The following LAMB1 variants were observed in gnomAD, a reference collection of about 807,000 sequenced individuals.
The protein encoded by LAMB1 is laminin subunit beta-1.
LAMB1 carries 121 observed loss-of-function variants against 222.3 expected under a neutral mutation model. The observed-to-expected ratio is 0.54, with a 90% CI of 0.47 to 0.63. LAMB1 has a LOEUF of 0.63. Ranked by LOEUF, LAMB1 falls within the 30% of genes least tolerant of loss-of-function variation. The pLI is 0.00. For synonymous variants in LAMB1, 794 were observed against 807.2 expected, an observed-to-expected ratio of 0.98 and a Z score of 0.28; for missense variants, 2,172 against 2,240.8, an observed-to-expected ratio of 0.97 and a Z score of 0.62.
intron 13 of LAMB1, among the ~76,000 whole-genome samples, chr7:107,969,802 C>T (rs910571100): frequency 2.0e-5 from 3 of 152,110 alleles, no homozygotes; most frequent in African/African-American, 7.2e-5. Context: ...GTGTATTCAA[C>T]CATATCAAAA....
chr7:107,952,894 G>A (rs564180763), intron 22 of LAMB1, among the ~76,000 whole-genome samples: 3 of 152,252 alleles, frequency 2.0e-5, no homozygotes, highest in East Asian at 1.9e-4. Context: ...TTAGGATTTC[G>A]AAGTCCATCC....
At chr7:107,985,922 A>T in intron 7 of LAMB1, 100 bp downstream of exon 7, 1 of 886,368 alleles carries the variant, frequency 1.1e-6, no homozygotes, top group Admixed American at 2.1e-5. Context: ...GCACCATTGC[A>T]CTCCAGCCTG....
chr7:107,996,362 AT>A (rs1277674462), intron 4 of LAMB1, among the ~76,000 whole-genome samples: 1 of 152,124 alleles, frequency 6.6e-6, no homozygotes, highest in Non-Finnish European at 1.5e-5. Flanking sequence ...AGTGTATTTG[AT>A]TTCTGTCAGA....
At chr7:107,935,366 TTTTTTTTGCTTG>T in intron 27 of LAMB1, 37 bp downstream of exon 27, 1 of 1,096,704 alleles carries the variant, frequency 9.1e-7, no homozygotes, top group Non-Finnish European at 1.2e-6. Flanking sequence ...TTTTTTTTTT[TTTTTTTTGCTTG>T]GCACCATAGC....
intron 29 of LAMB1, among the ~76,000 whole-genome samples, chr7:107,930,951 A>C (rs778150953): frequency 1.4e-4 from 21 of 152,172 alleles, no homozygotes; most frequent in Non-Finnish European, 2.2e-4. Flanking sequence ...TAACACTTGA[A>C]CTGTGACTAG....
intron 7 of LAMB1, 142 bp downstream of exon 7, chr7:107,985,880 C>T (rs2034065419): frequency 6.5e-6 from 4 of 612,036 alleles, no homozygotes; most frequent in South Asian, 5.9e-5. Context: ...TCACTTGAAC[C>T]CGGGAGGCGG....
chr7:107,985,459 T>C (rs975378025), intron 7 of LAMB1, among the ~76,000 whole-genome samples: 1 of 151,398 alleles, frequency 6.6e-6, no homozygotes, highest in Non-Finnish European at 1.5e-5. Context: ...AACCCGTCTC[T>C]ACTAAAAATA....
chr7:107,939,354 G>A (rs1425584759), intron 25 of LAMB1, among the ~76,000 whole-genome samples: 4 of 152,058 alleles, frequency 2.6e-5, no homozygotes, highest in African/African-American at 9.7e-5. Flanking sequence ...GAGAAGGGGT[G>A]GGATGAGGAC....
rs558996094 is a variant in LAMB1, at chr7:108,001,445, G to T, written c.213+113C>A. 4.2e-5 allele frequency: 52 copies of T among 1,223,882 alleles called. No individual in the cohort carries two copies. In the East Asian group the frequency reaches 1.3e-3, roughly 31 times the overall value. The allele number at this position is 1,223,882 out of a possible 1,614,324, so 75.8% of individuals were successfully genotyped here. ...GCCTAATCCCGGGACTCCCCGGCTG[G>T]CTGCGCTTCCTATCTGGATTGCTGG... On this transcript the variant is annotated intron_variant, in intron 3 of 33. Coordinates refer to ENST00000222399, the MANE Select transcript of LAMB1 (RefSeq NM_002291.3).
chr7:107,964,061 C>A (rs952787005), intron 14 of LAMB1, among the ~76,000 whole-genome samples: 1 of 152,138 alleles, frequency 6.6e-6, no homozygotes, highest in African/African-American at 2.4e-5. Flanking sequence ...AGTGCCACTG[C>A]ACTCCAGCCT....
chr7:107,946,916 T>G (rs1456675079), intron 24 of LAMB1, among the ~76,000 whole-genome samples: 1 of 152,162 alleles, frequency 6.6e-6, no homozygotes, highest in African/African-American at 2.4e-5. Context: ...TGCCCCACAT[T>G]TACCGTTTGC....
chr7:107,974,376 G>T, intron 12 of LAMB1, among the ~76,000 whole-genome samples: 1 of 150,754 alleles, frequency 6.6e-6, no homozygotes. Context: ...TTTAAATATA[G>T]CAAGCAGCAT....
intron 2 of LAMB1, chr7:108,002,445 C>G (rs1275706719): frequency 3.8e-6 from 5 of 1,301,594 alleles, no homozygotes; most frequent in Non-Finnish European, 5.0e-6. Flanking sequence ...CCCATCTGTT[C>G]CCAGAATGAA....
intron 4 of LAMB1, among the ~76,000 whole-genome samples, chr7:107,997,834 G>A (rs983987309): frequency 5.3e-5 from 8 of 152,138 alleles, no homozygotes; most frequent in Non-Finnish European, 7.4e-5. Context: ...AATCACTGGA[G>A]GAACCATTTG....
At chr7:107,933,876 GCCC>G (rs1562975649) in intron 27 of LAMB1, among the ~76,000 whole-genome samples, 10 of 152,054 alleles carry the variant, frequency 6.6e-5, no homozygotes, top group African/African-American at 2.4e-4. Context: ...CCCACCCACC[GCCC>G]ATGCATCTCC....
chr7:107,932,479 T>G, intron 27 of LAMB1, 102 bp from the exon 28 acceptor site: 1 of 1,116,546 alleles, frequency 9.0e-7, no homozygotes, highest in Non-Finnish European at 1.3e-6. Flanking sequence ...GTGTAGGTGG[T>G]CCTCAGCAAG....
chr7:107,989,911 C>G, intron 5 of LAMB1, among the ~76,000 whole-genome samples: 1 of 152,196 alleles, frequency 6.6e-6, no homozygotes, highest in South Asian at 2.1e-4. Context: ...CACATTTTAC[C>G]TAACGAATAG....
intron 5 of LAMB1, among the ~76,000 whole-genome samples, chr7:107,991,686 A>G (rs1241291477): frequency 1.3e-5 from 2 of 152,070 alleles, no homozygotes; most frequent in South Asian, 2.1e-4. Flanking sequence ...CGAGGCGGGC[A>G]GATCATGAGG....
chr7:108,002,109 C>A (rs1384648587), intron 2 of LAMB1: 9 of 1,477,804 alleles, frequency 6.1e-6, no homozygotes, highest in Non-Finnish European at 6.3e-6. Context: ...GGAGGCTGAC[C>A]CCCAAAGGGC....
Sources: allele counts gnomAD v4.1 joint callset (sites outside exome capture counted in the v4.1 genomes callset), GRCh38; gene constraint gnomAD v4.1.1; transcripts MANE v1.5; gene names NCBI Gene and HGNC (gene_info 2026-07-23, HGNC 2026-07-21).